The following LAMA4 variants were observed in gnomAD, a reference collection of about 807,000 sequenced individuals.
LAMA4 encodes the protein laminin subunit alpha-4.
Under a neutral mutation model 207.1 loss-of-function variants are expected in LAMA4, and 127 were observed. The ratio of observed to expected loss-of-function variants is 0.61; its 90% CI spans 0.53 to 0.71. The LOEUF (loss-of-function observed/expected upper bound fraction) is 0.71, where lower values mean the gene tolerates loss of function less well. LAMA4 is among the 30% of genes least tolerant of loss of function. LAMA4 has a pLI of 0.00. For synonymous variants in LAMA4, 761 were observed against 816.0 expected, an observed-to-expected ratio of 0.93 and a Z score of 1.15; for missense variants, 2,093 against 2,246.5, an observed-to-expected ratio of 0.93 and a Z score of 1.38.
At chr6:112,164,450 T>C (rs1364736095) in intron 13 of LAMA4, among the ~76,000 whole-genome samples, 1 of 152,016 alleles carries the variant, frequency 6.6e-6, no homozygotes, top group East Asian at 1.9e-4. Context: ...AGAGGTGGAC[T>C]GGAGGATAAG....
intron 3 of LAMA4, among the ~76,000 whole-genome samples, chr6:112,211,295 A>G (rs73544331): frequency 0.017 from 2,618 of 152,332 alleles, 62 homozygotes; most frequent in African/African-American, 0.059. Flanking sequence ...TTCTAGCATA[A>G]GACAGTACAT....
intron 18 of LAMA4, 114 bp downstream of exon 18, chr6:112,148,043 A>G (rs1780141227): frequency 1.1e-6 from 1 of 950,182 alleles, no homozygotes; most frequent in South Asian, 1.4e-5. Context: ...GCTAACTTCT[A>G]TAATTTTCGA....
intron 2 of LAMA4, among the ~76,000 whole-genome samples, chr6:112,244,251 G>A (rs1192759892): frequency 6.6e-6 from 1 of 152,134 alleles, no homozygotes; most frequent in Non-Finnish European, 1.5e-5. Flanking sequence ...CTCTGTCACT[G>A]CTCATTACAT....
intron 4 of LAMA4, among the ~76,000 whole-genome samples, chr6:112,205,369 A>G (rs745564317): frequency 6.7e-6 from 1 of 150,186 alleles, no homozygotes; most frequent in Non-Finnish European, 1.5e-5. Context: ...TTACTGTACT[A>G]AGGAGAAAAT....
chr6:112,192,572 G>A (rs1783181376), intron 5 of LAMA4, among the ~76,000 whole-genome samples: 1 of 152,218 alleles, frequency 6.6e-6, no homozygotes, highest in African/African-American at 2.4e-5. Flanking sequence ...CGCACCTACA[G>A]AGGCCAGGTG....
intron 2 of LAMA4, chr6:112,217,617 A>T (rs532279681): frequency 1.6e-3 from 239 of 151,402 alleles, no homozygotes; most frequent in African/African-American, 5.6e-3. Context: ...CACAGTATTT[A>T]AAAAAAAACA....
intron 36 of LAMA4, among the ~76,000 whole-genome samples, chr6:112,115,074 A>G (rs1554323137): frequency 6.6e-6 from 1 of 152,190 alleles, no homozygotes; most frequent in Non-Finnish European, 1.5e-5. Context: ...AAGAACATGG[A>G]CTTTGAAGCT....
At chr6:112,119,911 AT>A (rs1352589472) in intron 33 of LAMA4, among the ~76,000 whole-genome samples, 2 of 152,160 alleles carry the variant, frequency 1.3e-5, no homozygotes, top group African/African-American at 4.8e-5. Flanking sequence ...GTGGTATCCT[AT>A]CTTCCTCACT....
At chr6:112,127,637 G>GAGCAC (rs1376147670) in intron 31 of LAMA4, among the ~76,000 whole-genome samples, 2 of 152,048 alleles carry the variant, frequency 1.3e-5, no homozygotes, top group Admixed American at 1.3e-4. Context: ...GGGGCCATTT[G>GAGCAC]AGCACAGTAG....
chr6:112,235,065 G>A lies in LAMA4; in HGVS notation c.196-18596C>T, dbSNP rs573767765. On this transcript the variant is annotated intron_variant, in intron 2 of 38. Transcript: ENST00000230538. ...TCAAAGACTAGGGTGAGAATGAGGC[G>A]TGAAAGTGCCCACCATTTTGAAAAT... Among the ~76,000 whole-genome samples, 26 of 152,306 alleles carry A rather than the reference G, an allele frequency of 1.7e-4. 1 individual carries two copies. Among genetic ancestry groups the A allele is most frequent in the Middle Eastern group, 3.4e-3 (1 of 294 alleles).
intron 4 of LAMA4, among the ~76,000 whole-genome samples, chr6:112,205,358 T>G (rs1436025210): frequency 2.0e-5 from 3 of 150,718 alleles, no homozygotes; most frequent in Non-Finnish European, 1.5e-5. Context: ...CCTAGTTTGA[T>G]TTACTGTACT....
Position 112,140,835 on chromosome 6 carries a change from C to T in LAMA4, c.2901G>A (p.Ser967=), listed in dbSNP as rs148096716. 60 of 1,614,014 alleles carry T rather than the reference C, an allele frequency of 3.7e-5. No individual in the cohort carries two copies. The East Asian group carries it at 4.0e-4, about 11-fold the overall frequency. ...EEKFIKKGEF[S]GDDSLLDLDP... ...CCAGGTCCAGCAGAGAGTCATCTCC[C>T]GAAAATTCCCCCTTTTTAATGAACT... The change falls in exon 22 of 39, where the codon TCG becomes TCA. Residue 967 remains serine (S), a synonymous_variant. Transcript: ENST00000230538.
chr6:112,188,157 T>C (rs1218687273), intron 7 of LAMA4, among the ~76,000 whole-genome samples: 2 of 152,220 alleles, frequency 1.3e-5, no homozygotes, highest in East Asian at 3.8e-4. Flanking sequence ...TTTTGCAACG[T>C]GCCTGTTCCC....
chr6:112,118,006 T>G lies in LAMA4; in HGVS notation c.4822-108A>C. The G allele has an allele frequency of 1.2e-6, 1 of 857,192 alleles. No homozygotes were observed. Among genetic ancestry groups the G allele is most frequent in the Non-Finnish European group, 1.9e-6 (1 of 517,664 alleles). 53.1% of individuals were successfully genotyped at this position (857,192 alleles called of 1,614,324 possible). On this transcript the variant is annotated intron_variant, in intron 34 of 38. Transcript: ENST00000230538. This position sits in a 1 kb window ranked among gnomAD's most constrained non-coding sequence, Gnocchi z 4.6. The stretch of plus-strand genomic sequence containing the variant: ...TGAAGGAACCCACGTAATTCCTTGT[T>G]TCATTTATTTCAGATATCTGAATGA...
chr6:112,134,357 G>C, intron 26 of LAMA4, 110 bp downstream of exon 26: 8 of 1,053,096 alleles, frequency 7.6e-6, no homozygotes, highest in South Asian at 1.3e-5. Context: ...GCCTGTCCCT[G>C]TGTGTAAAAG....
chr6:112,199,987 C>T, intron 5 of LAMA4: 2 of 440,880 alleles, frequency 4.5e-6, no homozygotes, highest in Non-Finnish European at 9.1e-6. Flanking sequence ...TATCGTTTAG[C>T]TGCCTAAACA....
chr6:112,134,342 C>T, intron 26 of LAMA4, 125 bp downstream of exon 26: 3 of 890,530 alleles, frequency 3.4e-6, no homozygotes, highest in Non-Finnish European at 5.5e-6. Flanking sequence ...AATGTGTGTA[C>T]CTGTGCCTGT....
intron 22 of LAMA4, 140 bp downstream of exon 22, chr6:112,140,620 T>C (rs1779632586): frequency 1.3e-6 from 1 of 762,776 alleles, no homozygotes; most frequent in Non-Finnish European, 2.3e-6. Context: ...GGTTTATAGA[T>C]TCTGGTTCAG....
intron 38 of LAMA4, among the ~76,000 whole-genome samples, chr6:112,110,723 T>C (rs1040450015): frequency 1.3e-5 from 2 of 152,216 alleles, no homozygotes; most frequent in Non-Finnish European, 2.9e-5. Context: ...TTCTGCTTAC[T>C]TTGGAGACCT....
Sources: allele counts gnomAD v4.1 joint callset (sites outside exome capture counted in the v4.1 genomes callset), GRCh38; gene constraint gnomAD v4.1.1; non-coding constraint Gnocchi (gnomAD v3.1); transcripts MANE v1.5; gene names NCBI Gene and HGNC (gene_info 2026-07-23, HGNC 2026-07-21).